Variants in DLGAP2 observed in about 807,000 individuals in gnomAD.
DLGAP2 encodes DLG associated protein 2, also known as disks large-associated protein 2.
In DLGAP2, 26 loss-of-function variants were observed where a neutral mutation model predicts 100.3. That is an observed-to-expected ratio of 0.26 (90% CI 0.19 to 0.36). The LOEUF (loss-of-function observed/expected upper bound fraction) is 0.36. DLGAP2 is among the 10% of genes least tolerant of loss of function. The pLI, the probability that DLGAP2 is intolerant of heterozygous loss-of-function variation, is 1.00. For synonymous variants in DLGAP2, 886 were observed against 630.1 expected (o/e 1.41, Z -6.08); for missense variants, 1,858 against 1,453.2 (o/e 1.28, Z -4.53).
chr8:916,461 G>A (rs912844384), intron 2 of DLGAP2, among the ~76,000 whole-genome samples: 1 of 152,168 alleles, frequency 6.6e-6, no homozygotes, highest in African/African-American at 2.4e-5. Context: ...TCACTGATAA[G>A]TGGGAATTGA....
intron 3 of DLGAP2, among the ~76,000 whole-genome samples, chr8:1,481,114 G>T (rs1227930411): frequency 6.6e-6 from 1 of 152,096 alleles, no homozygotes; most frequent in Admixed American, 6.5e-5. Context: ...GGAGCTTGCA[G>T]TGAGCCAAGA....
At chr8:1,654,901 C>T (rs755759541) in intron 8 of DLGAP2, among the ~76,000 whole-genome samples, 1 of 152,082 alleles carries the variant, frequency 6.6e-6, no homozygotes, top group African/African-American at 2.4e-5. Context: ...GTGACTCTTC[C>T]GTTCACTAAA....
chr8:1,309,212 C>G (rs888333299), intron 3 of DLGAP2, among the ~76,000 whole-genome samples: 1 of 152,010 alleles, frequency 6.6e-6, no homozygotes, highest in African/African-American at 2.4e-5. Context: ...CCAAAAACAT[C>G]CAAAATTTGA....
intron 2 of DLGAP2, among the ~76,000 whole-genome samples, chr8:1,241,744 T>A (rs1413753841): frequency 2.4e-5 from 1 of 41,174 alleles, no homozygotes; most frequent in African/African-American, 1.5e-4. Flanking sequence ...ATGTAAGTGG[T>A]GAAAAAAAAA....
chr8:1,251,175 T>C (rs921749164), intron 2 of DLGAP2, among the ~76,000 whole-genome samples: 2 of 152,224 alleles, frequency 1.3e-5, no homozygotes, highest in African/African-American at 4.8e-5. Context: ...CCCTGAGAAC[T>C]AACTTCTAAA....
intron 1 of DLGAP2, among the ~76,000 whole-genome samples, chr8:892,513 A>G (rs1005091227): frequency 1.3e-5 from 2 of 152,118 alleles, no homozygotes; most frequent in Non-Finnish European, 2.9e-5. Context: ...ATAGAGGCAG[A>G]AAGTAGAATG....
chr8:1,051,252 A>G (rs1167117596), intron 2 of DLGAP2, among the ~76,000 whole-genome samples: 8 of 152,068 alleles, frequency 5.3e-5, no homozygotes, highest in Admixed American at 3.9e-4. Flanking sequence ...CAGAGGCCTC[A>G]TTGAAGGGAA....
chr8:1,347,123 G>C (rs1250997832), intron 3 of DLGAP2, among the ~76,000 whole-genome samples: 2 of 151,674 alleles, frequency 1.3e-5, no homozygotes, highest in Admixed American at 1.3e-4. Context: ...CCCACACAGA[G>C]CTGCATTGCT....
At chr8:926,712 G>C (rs958233547) in intron 2 of DLGAP2, among the ~76,000 whole-genome samples, 1 of 152,350 alleles carries the variant, frequency 6.6e-6, no homozygotes, top group African/African-American at 2.4e-5. Context: ...GGGGCTGGCA[G>C]CAGCTGAGCC....
At position 1,119,841 on chromosome 8, in the gene DLGAP2, T is replaced by C. The variant is rs945278801; in HGVS notation, c.74-139010T>C. 2.0e-5 allele frequency among the ~76,000 whole-genome samples: 3 copies of C among 152,330 alleles called. No homozygotes were observed. The South Asian group carries it at 6.2e-4, about 32-fold the overall frequency. On this transcript the variant is annotated intron_variant, in intron 2 of 14. Transcript: ENST00000637795. The stretch of plus-strand genomic sequence containing the variant: ...CTTAGGAGAGTGGTTGGCACCATGA[T>C]TTTAAATAAAATACAGTGAATGGGG...
At chr8:1,266,693 T>A (rs1307449614) in intron 3 of DLGAP2, among the ~76,000 whole-genome samples, 3 of 152,130 alleles carry the variant, frequency 2.0e-5, no homozygotes, top group African/African-American at 4.8e-5. Flanking sequence ...TTGAAGGCTT[T>A]ACAATAAAAG....
chr8:1,535,458 G>A (rs1159845166), intron 4 of DLGAP2, among the ~76,000 whole-genome samples: 1 of 152,208 alleles, frequency 6.6e-6, no homozygotes, highest in Non-Finnish European at 1.5e-5. Flanking sequence ...ATTTTACGGG[G>A]CTGAGTGTGT....
chr8:820,540 T>C (rs568431347), intron 1 of DLGAP2, among the ~76,000 whole-genome samples: 62 of 152,332 alleles, frequency 4.1e-4, no homozygotes, highest in African/African-American at 1.4e-3. Context: ...ACACAGAAAT[T>C]TGTTTGCTCA....
chr8:1,174,461 G>A (rs535232981), intron 2 of DLGAP2, among the ~76,000 whole-genome samples: 9 of 140,858 alleles, frequency 6.4e-5, no homozygotes, highest in African/African-American at 8.5e-5. Context: ...AATCATTATC[G>A]TCATCATTAC....
intron 2 of DLGAP2, among the ~76,000 whole-genome samples, chr8:1,097,713 G>C (rs147110279): frequency 0.062 from 5,289 of 85,154 alleles, 7 homozygotes; most frequent in East Asian, 0.13. Flanking sequence ...GTGAGACCCA[G>C]CTCCCTCTGC....
intron 2 of DLGAP2, among the ~76,000 whole-genome samples, chr8:1,005,667 G>A (rs1158813080): frequency 6.6e-6 from 1 of 150,846 alleles, no homozygotes; most frequent in Non-Finnish European, 1.5e-5. Context: ...TGATTCTCCT[G>A]CCTTGGACTC....
At chr8:1,415,493 T>C (rs1431807822) in intron 3 of DLGAP2, among the ~76,000 whole-genome samples, 1 of 152,150 alleles carries the variant, frequency 6.6e-6, no homozygotes, top group Non-Finnish European at 1.5e-5. Flanking sequence ...CCCTGGTGTC[T>C]GCTGTTCGCA....
At chr8:1,276,250 T>C (rs1799691781) in intron 3 of DLGAP2, among the ~76,000 whole-genome samples, 1 of 151,544 alleles carries the variant, frequency 6.6e-6, no homozygotes, top group South Asian at 2.1e-4. Context: ...ATTTCTTTCA[T>C]AACAACCTAA....
At chr8:799,277 G>T (rs1238240730) in intron 1 of DLGAP2, among the ~76,000 whole-genome samples, 1 of 152,154 alleles carries the variant, frequency 6.6e-6, no homozygotes, top group Non-Finnish European at 1.5e-5. Context: ...TCATGCCCAG[G>T]CACTTACAGT....
Sources: gnomAD v4.1 joint callset for allele counts (sites outside exome capture counted in the v4.1 genomes callset) on GRCh38, gnomAD v4.1.1 for gene constraint, MANE v1.5 for transcripts, NCBI Gene and HGNC (gene_info 2026-07-23, HGNC 2026-07-21) for gene names.